The following PREP variants were observed in gnomAD, a reference collection of about 807,000 sequenced individuals.
PREP encodes prolyl endopeptidase.
Under a neutral mutation model 87.6 loss-of-function variants are expected in PREP, and 29 were observed. That is an observed-to-expected ratio of 0.33 (90% CI 0.25 to 0.45). The LOEUF is 0.45. Ranked by LOEUF, PREP falls within the 20% of genes least tolerant of loss-of-function variation. The probability of loss-of-function intolerance (pLI) is 1.00; values close to 1 mark genes in which losing one functional copy is unlikely to be tolerated. For missense variants in PREP, 695 were observed against 886.5 expected (o/e 0.78, Z 2.74); for synonymous variants, 337 against 328.6 (o/e 1.03, Z -0.28).
chr6:105,347,485 G>T (rs1771829378), intron 7 of PREP, among the ~76,000 whole-genome samples: 1 of 152,168 alleles, frequency 6.6e-6, no homozygotes, highest in South Asian at 2.1e-4. Context: ...AAATTTTAAA[G>T]AAGTTATTAG....
intron 7 of PREP, among the ~76,000 whole-genome samples, chr6:105,334,683 A>G (rs1448546250): frequency 7.3e-6 from 1 of 136,542 alleles, no homozygotes; most frequent in African/African-American, 3.1e-5. Context: ...GCGCCACTTC[A>G]CTCCAGCCTG....
intron 10 of PREP, chr6:105,298,033 C>A (rs1180215535): frequency 6.6e-6 from 1 of 152,214 alleles, no homozygotes; most frequent in African/African-American, 2.4e-5. Flanking sequence ...ATTAGTGAGC[C>A]AGCCCGCGGC....
intron 1 of PREP, 111 bp downstream of exon 1, chr6:105,402,736 G>T (rs894275989): frequency 9.9e-7 from 1 of 1,012,776 alleles, no homozygotes; most frequent in Non-Finnish European, 1.4e-6. Context: ...AGGGGGAGGG[G>T]AGGGACGCGG....
intron 10 of PREP, among the ~76,000 whole-genome samples, chr6:105,296,203 G>C (rs544772259): frequency 6.6e-6 from 1 of 152,152 alleles, no homozygotes; most frequent in South Asian, 2.1e-4. Flanking sequence ...TTTCCTTACT[G>C]TATTTTTTTT....
chr6:105,391,885 CAT>C (rs1329028953), intron 2 of PREP, among the ~76,000 whole-genome samples: 1 of 152,172 alleles, frequency 6.6e-6, no homozygotes, highest in Non-Finnish European at 1.5e-5. Flanking sequence ...AAGTCAACCA[CAT>C]GTTATTTACA....
intron 14 of PREP, among the ~76,000 whole-genome samples, chr6:105,280,461 G>A (rs972885195): frequency 5.3e-5 from 8 of 152,306 alleles, no homozygotes; most frequent in African/African-American, 1.9e-4. Context: ...AAGTTTTAAT[G>A]TCTGTTTACT....
intron 10 of PREP, among the ~76,000 whole-genome samples, chr6:105,321,065 T>C (rs1240560725): frequency 6.6e-6 from 1 of 152,232 alleles, no homozygotes; most frequent in Admixed American, 6.5e-5. Context: ...TGTGACATCA[T>C]ATTGTGCTTC....
At chr6:105,311,003 C>G (rs908668406) in intron 10 of PREP, among the ~76,000 whole-genome samples, 1 of 152,188 alleles carries the variant, frequency 6.6e-6, no homozygotes, top group African/African-American at 2.4e-5. Flanking sequence ...CCTCAGGCAT[C>G]CTTTTTTCTC....
At chr6:105,334,314 T>G (rs1190184051) in intron 7 of PREP, among the ~76,000 whole-genome samples, 1 of 152,270 alleles carries the variant, frequency 6.6e-6, no homozygotes, top group African/African-American at 2.4e-5. Context: ...CCTCACTTCC[T>G]GTCCTTTACT....
chr6:105,322,712 A>C (rs890190683), intron 10 of PREP: 2 of 997,720 alleles, frequency 2.0e-6, no homozygotes, highest in African/African-American at 3.5e-5. Context: ...CAGTTTGCCA[A>C]CTGCTGATGT....
rs1344688389 is a variant in PREP, at chr6:105,333,497, T to C, written c.832A>G (p.Lys278Glu). Residue 278 changes from lysine (K) to glutamate (E), a missense_variant, in exon 8 of 15, where the codon AAG (lysine) becomes GAG (glutamate). Coordinates refer to ENST00000652536, the MANE Select transcript of PREP (RefSeq NM_002726.5). ...QESSGIAGIL[K>E]WVKLIDNFEG... ...AAGTTGTCAATCAGTTTTACCCACT[T>C]CAGGATTCCTGGCAAGAGACCAAGC... 1 of 1,614,062 alleles carries C rather than the reference T, an allele frequency of 6.2e-7. No individual in the cohort carries two copies. The highest frequency in any genetic ancestry group is 1.3e-5 in the African/African-American group (1 of 75,036).
chr6:105,368,378 C>A (rs1772448965), intron 6 of PREP, among the ~76,000 whole-genome samples: 1 of 152,164 alleles, frequency 6.6e-6, no homozygotes, highest in Non-Finnish European at 1.5e-5. Flanking sequence ...CCTATCACTT[C>A]AAGAGGTTGG....
chr6:105,328,208 G>A (rs971362815), intron 9 of PREP, among the ~76,000 whole-genome samples: 7 of 151,834 alleles, frequency 4.6e-5, no homozygotes, highest in African/African-American at 1.5e-4. Flanking sequence ...TCTGCACTGT[G>A]TTCTCATGCA....
At chr6:105,400,331 T>C (rs1343632240) in intron 1 of PREP, among the ~76,000 whole-genome samples, 2 of 152,220 alleles carry the variant, frequency 1.3e-5, no homozygotes, top group East Asian at 3.9e-4. Flanking sequence ...CAGGATAAAG[T>C]GCAGACTCGT....
At chr6:105,325,103 G>T (rs1771115399) in intron 9 of PREP, among the ~76,000 whole-genome samples, 2 of 151,964 alleles carry the variant, frequency 1.3e-5, no homozygotes, top group Non-Finnish European at 2.9e-5. Context: ...GTAATCTTGG[G>T]GTAAAAGGCT....
At chr6:105,367,969 T>C (rs1385695663) in intron 6 of PREP, among the ~76,000 whole-genome samples, 2 of 152,132 alleles carry the variant, frequency 1.3e-5, no homozygotes, top group African/African-American at 4.8e-5. Flanking sequence ...ACCCCTGGTC[T>C]AGAAAACCCA....
rs1769948852 is a variant in PREP, at chr6:105,277,035, C to T, written c.*1109G>A. Among the ~76,000 whole-genome samples the T allele has an allele frequency of 6.6e-6, 1 of 151,868 alleles. No individual in the cohort carries two copies. The highest frequency in any genetic ancestry group is 1.5e-5 in the Non-Finnish European group (1 of 67,980). ...ACTGTTTTAAGTTAGATCAGCATTT[C>T]CCAAACTGATACTCAAAGGAACATT... is the stretch of plus-strand genomic sequence containing the variant. On this transcript the variant is annotated 3_prime_UTR_variant, in exon 15 of 15. Transcript: ENST00000652536.
At chr6:105,328,297 T>C (rs1771226189) in intron 9 of PREP, among the ~76,000 whole-genome samples, 1 of 152,004 alleles carries the variant, frequency 6.6e-6, no homozygotes, top group African/African-American at 2.4e-5. Flanking sequence ...CTCACTCTGT[T>C]GACAGGCTGG....
At chr6:105,383,784 T>TGGAAGAGG (rs1301696217) in intron 2 of PREP, among the ~76,000 whole-genome samples, 4 of 152,150 alleles carry the variant, frequency 2.6e-5, no homozygotes, top group African/African-American at 9.7e-5. Context: ...TTCTCAATAC[T>TGGAAGAGG]CGTCATGACC....
Sources: allele counts gnomAD v4.1 joint callset (sites outside exome capture counted in the v4.1 genomes callset), GRCh38; gene constraint gnomAD v4.1.1; transcripts MANE v1.5; gene names NCBI Gene and HGNC (gene_info 2026-07-23, HGNC 2026-07-21).